The following SYT1 variants were observed in gnomAD, a reference collection of about 807,000 sequenced individuals.
SYT1 encodes synaptotagmin 1, also known as synaptotagmin-1.
A neutral mutation model predicts 44.8 loss-of-function variants in SYT1; 8 were observed. The ratio of observed to expected loss-of-function variants is 0.18; its 90% CI spans 0.10 to 0.32. The LOEUF is 0.32. SYT1 is among the 10% of genes least tolerant of loss of function. SYT1 has a pLI of 1.00. For missense variants in SYT1, 286 were observed against 509.3 expected (o/e 0.56, Z 4.22); for synonymous variants, 154 against 188.8 (o/e 0.82, Z 1.51).
intron 3 of SYT1, among the ~76,000 whole-genome samples, chr12:79,047,916 T>C (rs1049370548): frequency 2.0e-5 from 3 of 151,898 alleles, no homozygotes; most frequent in African/African-American, 7.2e-5. Flanking sequence ...TGTTTGATGA[T>C]AATATAGTTT....
chr12:79,148,027 A>C (rs1225095197), intron 3 of SYT1, among the ~76,000 whole-genome samples: 3 of 113,614 alleles, frequency 2.6e-5, no homozygotes, highest in African/African-American at 1.3e-4. Flanking sequence ...AACATTAATG[A>C]AAAAAAAGAT....
At chr12:78,959,462 T>C (rs1165698132) in intron 1 of SYT1, among the ~76,000 whole-genome samples, 3 of 152,200 alleles carry the variant, frequency 2.0e-5, no homozygotes, top group African/African-American at 7.2e-5. Context: ...TGATTTTATT[T>C]TGCTTCAAAT....
intron 4 of SYT1, among the ~76,000 whole-genome samples, chr12:79,230,360 G>A (rs1875799045): frequency 6.6e-6 from 1 of 151,878 alleles, no homozygotes; most frequent in South Asian, 2.1e-4. Flanking sequence ...GTGTCTTATT[G>A]TATAGTTGCA....
intron 3 of SYT1, among the ~76,000 whole-genome samples, chr12:79,180,543 T>C (rs1241569177): frequency 6.6e-6 from 1 of 151,992 alleles, no homozygotes; most frequent in Admixed American, 6.6e-5. Flanking sequence ...GATAGCATAA[T>C]GCTGGCATCT....
intron 1 of SYT1, among the ~76,000 whole-genome samples, chr12:78,873,498 C>G (rs947346925): frequency 2.0e-5 from 3 of 151,646 alleles, no homozygotes; most frequent in Non-Finnish European, 4.4e-5. Flanking sequence ...AGTCACTAGG[C>G]TAAGTTGGCC....
intron 1 of SYT1, among the ~76,000 whole-genome samples, chr12:78,923,249 A>T (rs930752563): frequency 6.6e-6 from 1 of 152,110 alleles, no homozygotes; most frequent in South Asian, 2.1e-4. Flanking sequence ...TATTATTTTG[A>T]TAATTTTAAT....
intron 9 of SYT1, among the ~76,000 whole-genome samples, chr12:79,431,522 T>TTATC (rs1194292990): frequency 2.0e-5 from 3 of 146,684 alleles, no homozygotes; most frequent in Non-Finnish European, 4.5e-5. Context: ...TATTATTTAT[T>TTATC]TATTTATTTA....
At chr12:79,175,848 C>T (rs1056342075) in intron 3 of SYT1, among the ~76,000 whole-genome samples, 1 of 151,974 alleles carries the variant, frequency 6.6e-6, no homozygotes, top group East Asian at 1.9e-4. Context: ...GCTTCTAAGA[C>T]CTGGGGGTTG....
At chr12:79,373,163 AAAAATG>A (rs1196107642) in intron 9 of SYT1, among the ~76,000 whole-genome samples, 3 of 152,208 alleles carry the variant, frequency 2.0e-5, no homozygotes, top group Admixed American at 1.3e-4. Context: ...AGCATTTTGT[AAAAATG>A]AAAATGATTG....
At chr12:78,883,285 A>G (rs762591736) in intron 1 of SYT1, among the ~76,000 whole-genome samples, 1 of 151,814 alleles carries the variant, frequency 6.6e-6, no homozygotes, top group East Asian at 1.9e-4. Flanking sequence ...GTACCGACCT[A>G]GCAATACATG....
At chr12:79,010,161 G>A (rs1258557501) in intron 2 of SYT1, among the ~76,000 whole-genome samples, 1 of 152,158 alleles carries the variant, frequency 6.6e-6, no homozygotes, top group Non-Finnish European at 1.5e-5. Context: ...GATGGAGAGA[G>A]AGGTTGAAAA....
At chr12:79,354,593 A>C (rs1883039271) in intron 9 of SYT1, among the ~76,000 whole-genome samples, 1 of 152,126 alleles carries the variant, frequency 6.6e-6, no homozygotes, top group African/African-American at 2.4e-5. Context: ...CTGGTACCTG[A>C]GTGTATTTCT....
intron 9 of SYT1, among the ~76,000 whole-genome samples, chr12:79,360,189 T>A (rs1157607060): frequency 1.3e-5 from 2 of 151,736 alleles, no homozygotes; most frequent in Non-Finnish European, 2.9e-5. Context: ...AAGTTCCAAG[T>A]TAGAATTTTT....
intron 3 of SYT1, among the ~76,000 whole-genome samples, chr12:79,171,534 A>G (rs1871523023): frequency 6.6e-6 from 1 of 152,044 alleles, no homozygotes; most frequent in Non-Finnish European, 1.5e-5. Context: ...TGGCTTTCAC[A>G]TGACTTGTGT....
intron 1 of SYT1, among the ~76,000 whole-genome samples, chr12:78,927,848 A>G (rs986462488): frequency 1.3e-5 from 2 of 152,116 alleles, no homozygotes; most frequent in Non-Finnish European, 2.9e-5. Context: ...GCATAATACT[A>G]AATACCCTTT....
intron 9 of SYT1, among the ~76,000 whole-genome samples, chr12:79,427,670 T>G (rs1176435125): frequency 6.6e-6 from 1 of 152,180 alleles, no homozygotes; most frequent in Non-Finnish European, 1.5e-5. Context: ...TAAATGATGT[T>G]GGAGCTGAGC....
chr12:79,343,607 C>A (rs143926321), intron 8 of SYT1, among the ~76,000 whole-genome samples: 45 of 152,270 alleles, frequency 3.0e-4, no homozygotes, highest in African/African-American at 9.9e-4. Context: ...GAGGAATCTT[C>A]TAAGCATATT....
At chr12:78,895,057 T>A (rs2137081957) in intron 1 of SYT1, among the ~76,000 whole-genome samples, 1 of 151,742 alleles carries the variant, frequency 6.6e-6, no homozygotes, top group East Asian at 1.9e-4. Flanking sequence ...AAAAATTAGA[T>A]AAGCTAAAAT....
rs61052362 is a variant in SYT1, at chr12:79,217,302, T to C, written c.-17-201T>C. 4.7e-3 allele frequency among the ~76,000 whole-genome samples: 712 copies of C among 152,354 alleles called. 10 individuals carry two copies. Among genetic ancestry groups the C allele is most frequent in the African/African-American group, 0.017 (693 of 41,584 alleles). On this transcript the variant is annotated intron_variant, in intron 3 of 10. Transcript: ENST00000261205. ...TGCTATTCAGTAACTATGTCTGGTC[T>C]TACCTTCTGGGGAAGAACTCTTCAC...
Sources: allele counts gnomAD v4.1 joint callset (sites outside exome capture counted in the v4.1 genomes callset), GRCh38; gene constraint gnomAD v4.1.1; transcripts MANE v1.5; gene names NCBI Gene and HGNC (gene_info 2026-07-23, HGNC 2026-07-21).